The following NPAS3 variants were observed in gnomAD, a reference collection of about 807,000 sequenced individuals.
NPAS3 encodes the protein neuronal PAS domain protein 3.
Under a neutral mutation model 73.1 loss-of-function variants are expected in NPAS3, and 14 were observed. The observed-to-expected ratio is 0.19, with a 90% CI of 0.13 to 0.30. The LOEUF (loss-of-function observed/expected upper bound fraction) is 0.30. Ranked by LOEUF, NPAS3 falls within the 10% of genes least tolerant of loss-of-function variation. NPAS3 has a pLI of 1.00. For missense variants in NPAS3, 1,096 were observed against 1,250.0 expected (o/e 0.88, Z 1.86); for synonymous variants, 620 against 541.5 (o/e 1.14, Z -2.01).
intron 4 of NPAS3, among the ~76,000 whole-genome samples, chr14:33,378,033 A>G (rs1310393269): frequency 3.3e-5 from 5 of 152,184 alleles, no homozygotes; most frequent in African/African-American, 1.2e-4. Context: ...TGGCTTTTGG[A>G]TCACTTATTC....
chr14:33,100,216 C>G (rs534602822), intron 2 of NPAS3, among the ~76,000 whole-genome samples: 1 of 152,102 alleles, frequency 6.6e-6, no homozygotes, highest in Non-Finnish European at 1.5e-5. Context: ...CAATTTTAAA[C>G]ATTCTGAATT....
At chr14:33,693,459 T>G (rs1037255435) in intron 6 of NPAS3, among the ~76,000 whole-genome samples, 1 of 152,156 alleles carries the variant, frequency 6.6e-6, no homozygotes, top group Non-Finnish European at 1.5e-5. Flanking sequence ...CTAGAGACTG[T>G]GTTTACATGA....
At chr14:32,991,741 T>C (rs928625366) in intron 1 of NPAS3, among the ~76,000 whole-genome samples, 33 of 152,190 alleles carry the variant, frequency 2.2e-4, no homozygotes, top group Admixed American at 2.1e-3. Context: ...CATTCAGGGT[T>C]GGTTAAAAAA....
chr14:33,706,904 G>A (rs145391133), intron 6 of NPAS3, among the ~76,000 whole-genome samples: 9 of 152,198 alleles, frequency 5.9e-5, no homozygotes, highest in South Asian at 2.1e-4. Flanking sequence ...GGACAAAAAC[G>A]CTCCAATGGC....
chr14:33,063,845 T>A (rs2041190258), intron 2 of NPAS3, among the ~76,000 whole-genome samples: 2 of 152,218 alleles, frequency 1.3e-5, no homozygotes, highest in Admixed American at 1.3e-4. Flanking sequence ...ACCTTGTTGC[T>A]CATCTAACTT....
At chr14:33,147,754 T>TATATATATATATATATACAC (rs368950295) in intron 2 of NPAS3, among the ~76,000 whole-genome samples, 2 of 142,444 alleles carry the variant, frequency 1.4e-5, no homozygotes, top group African/African-American at 5.4e-5. Context: ...TATATATATA[T>TATATATATATATATATACAC]ACACACAAAA....
chr14:33,702,977 A>AT (rs1222486304), intron 6 of NPAS3, among the ~76,000 whole-genome samples: 1 of 152,184 alleles, frequency 6.6e-6, no homozygotes, highest in Non-Finnish European at 1.5e-5. Context: ...ATGTATATAT[A>AT]TCAAACTTTC....
chr14:33,170,315 A>G (rs1440106805), intron 2 of NPAS3, among the ~76,000 whole-genome samples: 2 of 152,172 alleles, frequency 1.3e-5, no homozygotes, highest in Non-Finnish European at 2.9e-5. Flanking sequence ...AAAATACTTT[A>G]TTTCTAAAAA....
At chr14:33,511,035 A>AGT (rs1595059000) in intron 4 of NPAS3, among the ~76,000 whole-genome samples, 1 of 152,018 alleles carries the variant, frequency 6.6e-6, no homozygotes, top group East Asian at 1.9e-4. Context: ...GCTGGTGTTG[A>AGT]GTGGATAATT....
chr14:33,763,019 G>C (rs2062345465), intron 7 of NPAS3, among the ~76,000 whole-genome samples: 1 of 152,344 alleles, frequency 6.6e-6, no homozygotes, highest in African/African-American at 2.4e-5. Flanking sequence ...CGCTGGGCAA[G>C]AGATTAGGAG....
intron 2 of NPAS3, among the ~76,000 whole-genome samples, chr14:33,061,610 G>A (rs1476678938): frequency 1.3e-5 from 2 of 152,138 alleles, no homozygotes; most frequent in Admixed American, 6.5e-5. Context: ...GCATGAAAGT[G>A]TATTATTTAG....
At chr14:33,428,277 C>T (rs1245395609) in intron 4 of NPAS3, among the ~76,000 whole-genome samples, 1 of 152,030 alleles carries the variant, frequency 6.6e-6, no homozygotes. Flanking sequence ...TGGTGTCCTT[C>T]ATCTGTACAA....
intron 4 of NPAS3, among the ~76,000 whole-genome samples, chr14:33,418,679 G>GC (rs2048254294): frequency 6.6e-6 from 1 of 151,292 alleles, no homozygotes; most frequent in South Asian, 2.1e-4. Context: ...TATTTTTAAA[G>GC]GGTTGTAGAT....
chr14:33,060,389 G>T (rs901706943), intron 2 of NPAS3, among the ~76,000 whole-genome samples: 7 of 152,164 alleles, frequency 4.6e-5, no homozygotes, highest in Non-Finnish European at 1.5e-5. Flanking sequence ...CGTTTATTGA[G>T]CACATGCTAT....
intron 3 of NPAS3, among the ~76,000 whole-genome samples, chr14:33,277,182 C>A (rs1304310933): frequency 6.6e-6 from 1 of 152,024 alleles, no homozygotes; most frequent in Admixed American, 6.6e-5. Flanking sequence ...AAAAGAAAGA[C>A]CCTTATTTCT....
intron 3 of NPAS3, among the ~76,000 whole-genome samples, chr14:33,246,463 C>A (rs1566719412): frequency 6.9e-6 from 1 of 144,414 alleles, no homozygotes; most frequent in Admixed American, 6.9e-5. Context: ...GGCGTGAACC[C>A]CGGGGGACGG....
At chr14:33,500,595 C>T (rs2052464557) in intron 4 of NPAS3, among the ~76,000 whole-genome samples, 1 of 151,842 alleles carries the variant, frequency 6.6e-6, no homozygotes. Context: ...GAGGAGAATA[C>T]GGCCTCATTC....
intron 6 of NPAS3, among the ~76,000 whole-genome samples, chr14:33,725,473 A>T (rs1428186464): frequency 1.3e-5 from 2 of 152,076 alleles, no homozygotes; most frequent in Non-Finnish European, 2.9e-5. Flanking sequence ...GATTTTTTTA[A>T]ATTTTCCTAT....
chr14:33,714,008 C>G (rs181952735), intron 6 of NPAS3, among the ~76,000 whole-genome samples: 1 of 152,078 alleles, frequency 6.6e-6, no homozygotes, highest in Non-Finnish European at 1.5e-5. Context: ...AAAAGGGTCA[C>G]GACATTCCTT....
Sources: allele counts gnomAD v4.1 joint callset (sites outside exome capture counted in the v4.1 genomes callset), GRCh38; gene constraint gnomAD v4.1.1; transcripts MANE v1.5; gene names NCBI Gene and HGNC (gene_info 2026-07-23, HGNC 2026-07-21).